LHPP: variants seen among roughly 807,000 people sequenced by gnomAD.
LHPP encodes phospholysine phosphohistidine inorganic pyrophosphate phosphatase.
Under a neutral mutation model 30.3 loss-of-function variants are expected in LHPP, and 24 were observed. The observed-to-expected ratio is 0.79, with a 90% CI of 0.57 to 1.11. LHPP has a LOEUF of 1.11. Among genes scored for constraint, LHPP ranks in the 50% most tolerant of loss-of-function variants. The pLI is 0.00. For synonymous variants in LHPP, 150 were observed against 157.1 expected (o/e 0.95, Z 0.34); for missense variants, 356 against 367.2 (o/e 0.97, Z 0.25).
intron 1 of LHPP, among the ~76,000 whole-genome samples, chr10:124,469,162 C>T (rs1335078825): frequency 2.0e-5 from 3 of 152,062 alleles, no homozygotes; most frequent in Non-Finnish European, 4.4e-5. Context: ...TGGGGTGAGA[C>T]CAGCCGCCGC....
intron 5 of LHPP, among the ~76,000 whole-genome samples, chr10:124,502,956 C>G (rs1281818839): frequency 6.6e-6 from 1 of 151,702 alleles, no homozygotes; most frequent in African/African-American, 2.4e-5. Context: ...GGATTACAAG[C>G]GTGAGCCACT....
At chr10:124,463,493 T>G (rs1266823802) in intron 1 of LHPP, among the ~76,000 whole-genome samples, 12 of 151,198 alleles carry the variant, frequency 7.9e-5, no homozygotes, top group Non-Finnish European at 1.5e-5. Context: ...CTCCCAAGTA[T>G]CTGGGATTAC....
intron 6 of LHPP, among the ~76,000 whole-genome samples, chr10:124,558,653 C>G (rs547928159): frequency 6.6e-6 from 1 of 152,336 alleles, no homozygotes; most frequent in South Asian, 2.1e-4. Context: ...GCTACCCAAC[C>G]CCCCATGGCA....
At chr10:124,606,742 G>A (rs1949098993) in intron 6 of LHPP, among the ~76,000 whole-genome samples, 1 of 152,198 alleles carries the variant, frequency 6.6e-6, no homozygotes, top group African/African-American at 2.4e-5. Flanking sequence ...GCAGGGGGAG[G>A]AGCAGCGCTG....
chr10:124,494,199 G>A (rs923625139), intron 3 of LHPP, among the ~76,000 whole-genome samples: 6 of 152,212 alleles, frequency 3.9e-5, no homozygotes, highest in African/African-American at 1.2e-4. Flanking sequence ...CGAAGAGGCT[G>A]CAGGGAACTT....
chr10:124,527,744 A>G (rs1215775060), intron 6 of LHPP, among the ~76,000 whole-genome samples: 7 of 151,440 alleles, frequency 4.6e-5, no homozygotes, highest in Admixed American at 2.6e-4. Flanking sequence ...CGTGCTAACC[A>G]TGTAACCTTG....
Position 124,517,064 on chromosome 10 carries a change from A to G in LHPP, c.625-116A>G. 1.6e-6 allele frequency: 1 copy of G among 639,240 alleles called. No individual in the cohort carries two copies. The highest frequency in any genetic ancestry group is 2.0e-5 in the South Asian group (1 of 49,288). 39.6% of individuals were successfully genotyped at this position (639,240 alleles called of 1,614,324 possible). Reference sequence around the variant, plus strand: ...GACAATATTATCTTGTTTAATTTGTATGATGGTGGTTGTAAACATCAAATC... The same window carrying G: ...GACAATATTATCTTGTTTAATTTGTGTGATGGTGGTTGTAAACATCAAATC... On this transcript the variant is annotated intron_variant, in intron 5 of 6. Coordinates refer to ENST00000368842, the MANE Select transcript of LHPP (RefSeq NM_022126.4). The surrounding 1 kb of genome is among the most constrained non-coding windows in gnomAD (Gnocchi z 4.1).
chr10:124,472,050 G>T (rs920716351), intron 1 of LHPP, among the ~76,000 whole-genome samples: 1 of 152,038 alleles, frequency 6.6e-6, no homozygotes, highest in African/African-American at 2.4e-5. Flanking sequence ...AGTGGCTCAC[G>T]CCTGTAATCC....
chr10:124,475,382 A>T, intron 1 of LHPP, among the ~76,000 whole-genome samples: 1 of 151,944 alleles, frequency 6.6e-6, no homozygotes. Context: ...TCTACTAAAA[A>T]TACAAAAAAT....
At chr10:124,463,843 A>C (rs1191633199) in intron 1 of LHPP, among the ~76,000 whole-genome samples, 16 of 134,188 alleles carry the variant, frequency 1.2e-4, no homozygotes, top group African/African-American at 4.7e-4. Flanking sequence ...TTTTTTTGAG[A>C]CAAGGTCTTA....
chr10:124,554,069 G>A (rs928462887), intron 6 of LHPP: 2 of 985,344 alleles, frequency 2.0e-6, no homozygotes, highest in Non-Finnish European at 2.4e-6. Flanking sequence ...TTGCGGGGCG[G>A]TGGTCAGCCT....
rs1949227177 is a variant in LHPP at position 124,613,312 on chromosome 10, C to T, written c.765C>T (p.Asp255=). Residue 255 remains aspartate (D), a synonymous_variant, in exon 7 of 7, where the codon GAC becomes GAT. Coordinates refer to ENST00000368842, the MANE Select transcript of LHPP (RefSeq NM_022126.4). The part of the protein sequence containing the change: ...HPEVKADGYV[D]NLAEAVDLLL... ...AAGTGAAGGCTGATGGGTACGTGGA[C>T]AACCTCGCAGAGGCAGTGGACCTGC... 2 of 1,613,504 alleles carry T rather than the reference C, an allele frequency of 1.2e-6. No individual in the cohort carries two copies. Among genetic ancestry groups the T allele is most frequent in the South Asian group, 2.2e-5 (2 of 91,092 alleles).
chr10:124,485,986 C>T (rs759204656), intron 2 of LHPP, among the ~76,000 whole-genome samples: 43 of 151,924 alleles, frequency 2.8e-4, no homozygotes, highest in Admixed American at 1.9e-3. Context: ...TCCATCCCTC[C>T]GTCTGTCTAT....
intron 6 of LHPP, among the ~76,000 whole-genome samples, chr10:124,604,289 G>C (rs114223628): frequency 0.011 from 1,749 of 152,304 alleles, 34 homozygotes; most frequent in African/African-American, 0.04. Context: ...TCGGGCACCT[G>C]CCAGGGACCC....
chr10:124,469,615 C>G (rs1306483180), intron 1 of LHPP, among the ~76,000 whole-genome samples: 1 of 152,106 alleles, frequency 6.6e-6, no homozygotes, highest in Non-Finnish European at 1.5e-5. Flanking sequence ...TGCATGCACA[C>G]ACACACATTC....
chr10:124,516,773 C>A lies in LHPP; in HGVS notation c.625-407C>A, dbSNP rs182549273. ...CAAAACCTATATAAAGCAAAACTTA[C>A]AAAGATTTGCCAGAGATTTGCTTCA... is the stretch of plus-strand genomic sequence containing the variant. On this transcript the variant is annotated intron_variant, in intron 5 of 6. Transcript: ENST00000368842. Among the ~76,000 whole-genome samples the A allele has an allele frequency of 3.5e-3, 530 of 152,264 alleles. 3 individuals are homozygous for A. The highest frequency in any genetic ancestry group is 0.012 in the African/African-American group (480 of 41,546).
At chr10:124,594,914 A>G (rs1392981641) in intron 6 of LHPP, among the ~76,000 whole-genome samples, 2 of 152,134 alleles carry the variant, frequency 1.3e-5, no homozygotes, top group Non-Finnish European at 2.9e-5. Flanking sequence ...TACAGGCATG[A>G]GCCACCGCAC....
chr10:124,511,587 G>A (rs1047858942), intron 5 of LHPP, among the ~76,000 whole-genome samples: 3 of 152,126 alleles, frequency 2.0e-5, no homozygotes, highest in Non-Finnish European at 4.4e-5. Context: ...ACCACCATCC[G>A]CCGTGGCTTC....
intron 6 of LHPP, among the ~76,000 whole-genome samples, chr10:124,581,116 G>A (rs1320490148): frequency 1.3e-5 from 2 of 152,126 alleles, no homozygotes; most frequent in African/African-American, 4.8e-5. Context: ...CTGCCTTTGT[G>A]GGTTTCCCTG....
Sources: gnomAD v4.1 joint callset for allele counts (sites outside exome capture counted in the v4.1 genomes callset) on GRCh38, gnomAD v4.1.1 for gene constraint, Gnocchi (gnomAD v3.1) non-coding constraint, MANE v1.5 for transcripts, NCBI Gene and HGNC (gene_info 2026-07-23, HGNC 2026-07-21) for gene names.